Variants in AMOTL1 observed in about 807,000 individuals in gnomAD.
AMOTL1 encodes angiomotin like 1.
In AMOTL1, 45 loss-of-function variants were observed where a neutral mutation model predicts 102.9. The observed-to-expected ratio is 0.44, with a 90% confidence interval of 0.34 to 0.56. The LOEUF (loss-of-function observed/expected upper bound fraction) is 0.56. AMOTL1 is among the 20% of genes least tolerant of loss of function. The pLI is 0.01. For missense variants in AMOTL1, 1,114 were observed against 1,225.6 expected (o/e 0.91, Z 1.36); for synonymous variants, 481 against 484.7 (o/e 0.99, Z 0.10).
At chr11:94,733,855 C>T (rs188366441) in intron 2 of AMOTL1, among the ~76,000 whole-genome samples, 10 of 152,224 alleles carry the variant, frequency 6.6e-5, no homozygotes, top group Middle Eastern at 3.4e-3. Flanking sequence ...TTTTTGGAAT[C>T]GTTCTTTATT....
Position 94,869,470 on chromosome 11 carries a change from C to T in AMOTL1, c.2761C>T (p.Leu921=). ...HPAAKGTAEK[L]ENSPGHGKSP... is the part of the protein sequence containing the mutation. The stretch of plus-strand genomic sequence containing the variant: ...AGCGGCCAAAGGGACCGCAGAGAAA[C>T]TGGGTATGTGGGCTACCCCACCTTG... The change falls in exon 12 of 13, where the codon CTG becomes TTG. Residue 921 remains leucine, a synonymous_variant. Transcript: ENST00000433060. The T allele has an allele frequency of 6.3e-7, 1 of 1,595,652 alleles. No individual in the cohort carries two copies. The highest frequency in any genetic ancestry group is 1.1e-5 in the South Asian group (1 of 87,940).
chr11:94,815,952 C>T (rs1951758127), intron 3 of AMOTL1, among the ~76,000 whole-genome samples: 2 of 151,890 alleles, frequency 1.3e-5, no homozygotes, highest in South Asian at 2.1e-4. Context: ...GGAAGAAAAA[C>T]TTTATATGAT....
intron 1 of AMOTL1, among the ~76,000 whole-genome samples, chr11:94,781,560 G>A (rs1269487912): frequency 2.0e-5 from 3 of 152,182 alleles, no homozygotes; most frequent in East Asian, 1.9e-4. Context: ...ATAATAAGCC[G>A]GGTGCGGTGG....
chr11:94,722,646 A>G (rs543686871), intron 1 of AMOTL1, among the ~76,000 whole-genome samples: 7 of 152,270 alleles, frequency 4.6e-5, no homozygotes, highest in African/African-American at 1.7e-4. Flanking sequence ...CTCATCCACG[A>G]TATATATACT....
At chr11:94,853,215 G>C (rs1206436017) in intron 7 of AMOTL1, among the ~76,000 whole-genome samples, 1 of 151,794 alleles carries the variant, frequency 6.6e-6, no homozygotes, top group African/African-American at 2.4e-5. Flanking sequence ...CATGTGCCAT[G>C]GTGGTTTGCT....
intron 1 of AMOTL1, among the ~76,000 whole-genome samples, chr11:94,782,883 A>C (rs1951132539): frequency 6.6e-6 from 1 of 152,252 alleles, no homozygotes. Context: ...AATTATAAAA[A>C]AATTCTCACT....
intron 8 of AMOTL1, among the ~76,000 whole-genome samples, chr11:94,858,778 G>C (rs1004713544): frequency 3.3e-5 from 5 of 152,148 alleles, no homozygotes; most frequent in Admixed American, 6.5e-5. Flanking sequence ...TCTGTGTCAT[G>C]CTCTTTAGAG....
chr11:94,728,815 T>C (rs565927862), intron 1 of AMOTL1: 3 of 440,882 alleles, frequency 6.8e-6, no homozygotes, highest in African/African-American at 6.2e-5. Flanking sequence ...GCCAAAGGAA[T>C]GAAATGAGCT....
chr11:94,822,367 T>C (rs960042611), intron 4 of AMOTL1, among the ~76,000 whole-genome samples: 1 of 152,166 alleles, frequency 6.6e-6, no homozygotes, highest in Non-Finnish European at 1.5e-5. Context: ...GCATAGGTTA[T>C]AGTGAGTCAA....
chr11:94,799,512 C>T lies in AMOTL1; in HGVS notation c.322C>T (p.Arg108Trp), dbSNP rs751568715. 7.4e-6 allele frequency: 12 copies of T among 1,613,184 alleles called. No individual in the cohort carries two copies. Among genetic ancestry groups the T allele is most frequent in the East Asian group, 2.2e-5 (1 of 44,862 alleles). Residue 108 changes from arginine (R) to tryptophan (W), a missense_variant, in exon 3 of 13, where the codon CGG (arginine) becomes TGG (tryptophan). Coordinates refer to ENST00000433060, the MANE Select transcript of AMOTL1 (RefSeq NM_130847.3). The surrounding 1 kb of genome is among the most constrained non-coding windows in gnomAD (Gnocchi z 4.5). ...VLQRLIQEQLRYGTPTENMNL... is the reference protein window; with the variant it reads ...VLQRLIQEQLWYGTPTENMNL... ...GCAGCGGCTGATCCAGGAACAACTG[C>T]GGTATGGCACCCCAACCGAGAACAT...
chr11:94,856,947 T>C (rs1952678944), intron 8 of AMOTL1, among the ~76,000 whole-genome samples: 1 of 152,178 alleles, frequency 6.6e-6, no homozygotes, highest in Non-Finnish European at 1.5e-5. Context: ...ACAGAGCCCT[T>C]GAGCAGCTCC....
At chr11:94,843,789 T>C (rs1592025663) in intron 6 of AMOTL1, among the ~76,000 whole-genome samples, 1 of 152,302 alleles carries the variant, frequency 6.6e-6, no homozygotes, top group South Asian at 2.1e-4. Flanking sequence ...GTTAACAGAA[T>C]TGATGCCATT....
intron 8 of AMOTL1, among the ~76,000 whole-genome samples, chr11:94,856,146 T>C (rs1267083162): frequency 2.0e-5 from 3 of 152,230 alleles, no homozygotes; most frequent in Admixed American, 1.3e-4. Flanking sequence ...CCTGTTGCTC[T>C]TGATACTCAT....
rs962076864 is a variant in AMOTL1, at chr11:94,875,852, A to G, written c.*5057A>G. On this transcript the variant is annotated 3_prime_UTR_variant, in exon 13 of 13. Transcript: ENST00000433060. ...ATTTTTAAAAATCAATTCTCTTGCC[A>G]TGCCTCCTATGTGTTCACATCTCTG... 2.6e-5 allele frequency: 4 copies of G among 152,334 alleles called. No homozygotes were observed. The highest frequency in any genetic ancestry group is 2.0e-4 in the Admixed American group (3 of 15,282). 9.4% of individuals were successfully genotyped at this position (152,334 alleles called of 1,614,324 possible). A position where few individuals can be genotyped will look rare whatever the true frequency, so the allele number is the denominator to read the frequency against.
intron 3 of AMOTL1, among the ~76,000 whole-genome samples, chr11:94,807,409 A>T (rs1191252345): frequency 6.6e-6 from 1 of 152,182 alleles, no homozygotes; most frequent in Non-Finnish European, 1.5e-5. Flanking sequence ...GAATATTAAA[A>T]TAACAATGCT....
chr11:94,790,410 G>A (rs1951263393), intron 1 of AMOTL1, among the ~76,000 whole-genome samples: 1 of 152,176 alleles, frequency 6.6e-6, no homozygotes, highest in Admixed American at 6.5e-5. Flanking sequence ...GACAGTTGAG[G>A]GAAGGGAGAT....
Position 94,826,896 on chromosome 11 carries a change from G to C in AMOTL1, c.1414-3154G>C, listed in dbSNP as rs141449047. 4.2e-3 allele frequency among the ~76,000 whole-genome samples: 634 copies of C among 151,770 alleles called. 12 individuals are homozygous for C. The highest frequency in any genetic ancestry group is 0.035 in the South Asian group (169 of 4,804). On this transcript the variant is annotated intron_variant, in intron 4 of 12. Coordinates refer to ENST00000433060, the MANE Select transcript of AMOTL1 (RefSeq NM_130847.3). ...ACTAAGATCCTTGTTTTTTTTTCTA[G>C]GTCCCTTCTAAGCAGATAACCTTAT...
At chr11:94,865,437 T>A (rs1048891008) in intron 10 of AMOTL1, among the ~76,000 whole-genome samples, 1 of 152,190 alleles carries the variant, frequency 6.6e-6, no homozygotes, top group Admixed American at 6.5e-5. Context: ...CATTGATAGA[T>A]AGGCTCAGTG....
intron 4 of AMOTL1, among the ~76,000 whole-genome samples, chr11:94,824,162 A>G (rs1050572231): frequency 6.6e-6 from 1 of 152,200 alleles, no homozygotes; most frequent in Non-Finnish European, 1.5e-5. Flanking sequence ...CTGGAAGAGG[A>G]GACAAATCAA....
Sources: gnomAD v4.1 joint callset for allele counts (sites outside exome capture counted in the v4.1 genomes callset) on GRCh38, gnomAD v4.1.1 for gene constraint, Gnocchi (gnomAD v3.1) non-coding constraint, MANE v1.5 for transcripts, NCBI Gene and HGNC (gene_info 2026-07-23, HGNC 2026-07-21) for gene names.